PDE1C: variants seen among roughly 807,000 people sequenced by gnomAD.
The protein encoded by PDE1C is dual specificity calcium/calmodulin-dependent 3',5'-cyclic nucleotide phosphodiesterase 1C.
A neutral mutation model predicts 93.1 loss-of-function variants in PDE1C; 62 were observed. The ratio of observed to expected loss-of-function variants is 0.67; its 90% confidence interval spans 0.54 to 0.82. The LOEUF (loss-of-function observed/expected upper bound fraction) is 0.82, where lower values mean the gene tolerates loss of function less well. Ranked by LOEUF, PDE1C falls within the 40% of genes least tolerant of loss-of-function variation. The pLI, the probability that PDE1C is intolerant of heterozygous loss-of-function variation, is 0.00. For synonymous variants in PDE1C, 325 were observed against 310.1 expected (o/e 1.05, Z -0.50); for missense variants, 742 against 884.6 (o/e 0.84, Z 2.04).
At chr7:32,228,892 C>T (rs2128860511) in intron 1 of PDE1C, among the ~76,000 whole-genome samples, 1 of 152,324 alleles carries the variant, frequency 6.6e-6, no homozygotes, top group South Asian at 2.1e-4. Context: ...TCTGCACCCC[C>T]AGGTGATTAA....
intron 2 of PDE1C, among the ~76,000 whole-genome samples, chr7:32,203,390 T>C (rs1805170560): frequency 1.3e-5 from 2 of 152,126 alleles, no homozygotes; most frequent in Admixed American, 1.3e-4. Context: ...GGCATCACCA[T>C]GTCATAGGTG....
intron 16 of PDE1C, among the ~76,000 whole-genome samples, chr7:31,807,669 T>C (rs1037403374): frequency 3.9e-5 from 6 of 151,920 alleles, no homozygotes; most frequent in Non-Finnish European, 8.8e-5. Context: ...GGATACAGGA[T>C]GGAGAAAGTG....
intron 1 of PDE1C, among the ~76,000 whole-genome samples, chr7:32,423,292 G>A (rs1435097938): frequency 6.6e-6 from 1 of 152,176 alleles, no homozygotes; most frequent in African/African-American, 2.4e-5. Flanking sequence ...TAGGAGGATT[G>A]CTTAAGCACA....
chr7:32,137,419 G>A (rs954462555), intron 3 of PDE1C, among the ~76,000 whole-genome samples: 2 of 152,158 alleles, frequency 1.3e-5, no homozygotes, highest in African/African-American at 2.4e-5. Flanking sequence ...CCTGTCATAT[G>A]CTTCGCTTAG....
chr7:32,075,855 C>T (rs528449549), upstream of PDE1C, among the ~76,000 whole-genome samples: 13 of 152,228 alleles, frequency 8.5e-5, no homozygotes, highest in East Asian at 1.4e-3. Context: ...ATAATCCTTC[C>T]GATAGAGGTG....
chr7:31,981,659 A>G (rs932788641), intron 2 of PDE1C, among the ~76,000 whole-genome samples: 4 of 152,246 alleles, frequency 2.6e-5, no homozygotes, highest in African/African-American at 9.6e-5. Context: ...TCCCACTTTT[A>G]AAGCACTTTT....
At chr7:32,362,364 T>C (rs1422070473) in intron 1 of PDE1C, among the ~76,000 whole-genome samples, 1 of 152,086 alleles carries the variant, frequency 6.6e-6, no homozygotes, top group Non-Finnish European at 1.5e-5. Flanking sequence ...AAATGTTGCT[T>C]TGGATGCCTC....
chr7:31,769,726 TA>T (rs1795359763), intron 17 of PDE1C, among the ~76,000 whole-genome samples: 1 of 152,298 alleles, frequency 6.6e-6, no homozygotes, highest in South Asian at 2.1e-4. Flanking sequence ...TCATCACCCC[TA>T]AAAACAACCT....
At chr7:32,299,006 G>T (rs529872034) in exon 1 of PDE1C, 3 of 1,249,370 alleles carry the variant, frequency 2.4e-6, no homozygotes, top group Non-Finnish European at 3.0e-6. Flanking sequence ...GGCGAGAGGA[G>T]TGTCAGGAAG....
chr7:31,861,169 ACT>A (rs1794652319), intron 7 of PDE1C, among the ~76,000 whole-genome samples: 1 of 151,332 alleles, frequency 6.6e-6, no homozygotes, highest in African/African-American at 2.4e-5. Flanking sequence ...GCAATGCACC[ACT>A]CTCTTCTTGA....
At chr7:32,021,252 A>G (rs762301513) in intron 2 of PDE1C, among the ~76,000 whole-genome samples, 1 of 152,010 alleles carries the variant, frequency 6.6e-6, no homozygotes, top group East Asian at 1.9e-4. Context: ...ATGTTTCCCA[A>G]AGATTTTGTT....
chr7:32,107,850 C>A (rs1436953500), intron 3 of PDE1C, among the ~76,000 whole-genome samples: 1 of 151,934 alleles, frequency 6.6e-6, no homozygotes, highest in African/African-American at 2.4e-5. Flanking sequence ...AAATCAGTAA[C>A]AGCAATCTTA....
At chr7:32,338,817 C>T (rs1002936537) in intron 1 of PDE1C, among the ~76,000 whole-genome samples, 11 of 152,160 alleles carry the variant, frequency 7.2e-5, no homozygotes, top group Non-Finnish European at 1.3e-4. Context: ...TCCTGGCTAA[C>T]ACGGTGAAAC....
chr7:32,412,958 G>T (rs1785202077), intron 1 of PDE1C, among the ~76,000 whole-genome samples: 1 of 152,152 alleles, frequency 6.6e-6, no homozygotes, highest in Non-Finnish European at 1.5e-5. Flanking sequence ...GTACAGCGGA[G>T]ATTGACTGGG....
chr7:32,409,374 G>A (rs1263923886), intron 1 of PDE1C, among the ~76,000 whole-genome samples: 1 of 151,798 alleles, frequency 6.6e-6, no homozygotes, highest in African/African-American at 2.4e-5. Flanking sequence ...AAAAAGAAAA[G>A]AAAAGAGAAA....
At chr7:31,769,515 C>A (rs1429523380) in intron 17 of PDE1C, among the ~76,000 whole-genome samples, 1 of 152,164 alleles carries the variant, frequency 6.6e-6, no homozygotes, top group Non-Finnish European at 1.5e-5. Flanking sequence ...ATTGCTTTCC[C>A]ACAACTTTCT....
chr7:32,079,879 C>T (rs998474462), intron 3 of PDE1C, among the ~76,000 whole-genome samples: 1 of 152,176 alleles, frequency 6.6e-6, no homozygotes, highest in African/African-American at 2.4e-5. Flanking sequence ...ATAAACCCCA[C>T]CTCTTGATGC....
chr7:32,194,894 G>T (rs1804509089), intron 2 of PDE1C, among the ~76,000 whole-genome samples: 1 of 150,838 alleles, frequency 6.6e-6, no homozygotes, highest in South Asian at 2.1e-4. Context: ...ACCTTTTTTA[G>T]AATTCCACTT....
intron 2 of PDE1C, among the ~76,000 whole-genome samples, chr7:31,900,486 G>A (rs989495244): frequency 6.7e-6 from 1 of 150,084 alleles, no homozygotes; most frequent in Non-Finnish European, 1.5e-5. Flanking sequence ...TATTAGGTTA[G>A]AGATGGTTTA....
Sources: allele counts gnomAD v4.1 joint callset (sites outside exome capture counted in the v4.1 genomes callset), GRCh38; gene constraint gnomAD v4.1.1; transcripts MANE v1.5; gene names NCBI Gene and HGNC (gene_info 2026-07-23, HGNC 2026-07-21).